The following ADAM23 variants were observed in gnomAD, a reference collection of about 807,000 sequenced individuals.
The protein encoded by ADAM23 is disintegrin and metalloproteinase domain-containing protein 23.
Under a neutral mutation model 120.1 loss-of-function variants are expected in ADAM23, and 33 were observed. That is an observed-to-expected ratio of 0.27 (90% CI 0.21 to 0.37). ADAM23 has a LOEUF of 0.37. Among genes scored for constraint, ADAM23 ranks in the 10% least tolerant of loss-of-function variants. ADAM23 has a pLI of 1.00. For synonymous variants in ADAM23, 367 were observed against 375.2 expected, an observed-to-expected ratio of 0.98 and a Z score of 0.25; for missense variants, 862 against 1,058.2, an observed-to-expected ratio of 0.81 and a Z score of 2.57.
At chr2:206,515,835 T>C (rs1453479040) in intron 3 of ADAM23, among the ~76,000 whole-genome samples, 2 of 152,044 alleles carry the variant, frequency 1.3e-5, no homozygotes, top group African/African-American at 4.8e-5. Context: ...TAGAGTTTTT[T>C]TTCCTGTTCT....
Position 206,617,792 on chromosome 2 carries a change from C to T in ADAM23, c.*165C>T. 2 of 1,389,118 alleles carry T rather than the reference C, an allele frequency of 1.4e-6. No individual in the cohort carries two copies. Among genetic ancestry groups the T allele is most frequent in the Admixed American group, 2.6e-5 (1 of 38,104 alleles). 86.0% of individuals were successfully genotyped at this position (1,389,118 alleles called of 1,614,324 possible). A position where few individuals can be genotyped will look rare whatever the true frequency, so the allele number is the denominator to read the frequency against. On this transcript the variant is annotated 3_prime_UTR_variant, in exon 26 of 26. Coordinates refer to ENST00000264377, the MANE Select transcript of ADAM23 (RefSeq NM_003812.4). The stretch of plus-strand genomic sequence containing the variant: ...AGGATGGGGTAAAAGAAAACTGTCT[C>T]TTTTGGAAATAATGTCAAAGAACAC...
chr2:206,538,288 T>A (rs1017166020), intron 4 of ADAM23, among the ~76,000 whole-genome samples: 1 of 152,200 alleles, frequency 6.6e-6, no homozygotes, highest in Non-Finnish European at 1.5e-5. Flanking sequence ...TTCCTTATTC[T>A]GCAGTACTCA....
In ADAM23 at chr2:206,462,581, G is replaced by C. The variant is rs114330890; in HGVS notation, c.432+17057G>C. Among the ~76,000 whole-genome samples, 340 of 152,246 alleles carry C rather than the reference G, an allele frequency of 2.2e-3. 4 individuals are homozygous for C. Among genetic ancestry groups the C allele is most frequent in the African/African-American group, 7.8e-3 (325 of 41,546 alleles). On this transcript the variant is annotated intron_variant, in intron 2 of 25. Coordinates refer to ENST00000264377, the MANE Select transcript of ADAM23 (RefSeq NM_003812.4). ...CTTGGAGCAGCGGGACTTAGGGTTA[G>C]AATTCTGTGTTCAGTTGTTGTCTTC...
At chr2:206,559,526 T>C (rs1291346224) in intron 10 of ADAM23, among the ~76,000 whole-genome samples, 2 of 152,196 alleles carry the variant, frequency 1.3e-5, no homozygotes, top group Non-Finnish European at 2.9e-5. Flanking sequence ...GTTTGGTGCT[T>C]ATCTGGAGAT....
intron 21 of ADAM23, 58 bp downstream of exon 21, chr2:206,589,572 T>C: frequency 7.1e-7 from 1 of 1,401,394 alleles, no homozygotes; most frequent in African/African-American, 1.4e-5. Context: ...CTTATGCAAG[T>C]GCAAAATGAG....
At chr2:206,514,787 G>T (rs895708052) in intron 3 of ADAM23, among the ~76,000 whole-genome samples, 1 of 152,148 alleles carries the variant, frequency 6.6e-6, no homozygotes, top group Non-Finnish European at 1.5e-5. Flanking sequence ...AGCAACCACT[G>T]ATCACTCAGT....
intron 18 of ADAM23, among the ~76,000 whole-genome samples, chr2:206,574,010 A>G (rs948041092): frequency 5.3e-5 from 8 of 152,024 alleles, no homozygotes; most frequent in African/African-American, 1.7e-4. Context: ...GGTTTTTGCC[A>G]TTGCTTTTGA....
At chr2:206,447,070 G>T (rs1456624768) in intron 2 of ADAM23, among the ~76,000 whole-genome samples, 1 of 152,194 alleles carries the variant, frequency 6.6e-6, no homozygotes, top group Non-Finnish European at 1.5e-5. Flanking sequence ...CCTCAGCAGA[G>T]ACTTGAAATT....
At chr2:206,501,515 G>A (rs913129337) in intron 3 of ADAM23, among the ~76,000 whole-genome samples, 7 of 151,964 alleles carry the variant, frequency 4.6e-5, no homozygotes, top group Admixed American at 1.3e-4. Context: ...AGTTCTGTTC[G>A]TATGTGTTTA....
At position 206,620,574 on chromosome 2, in the gene ADAM23, T is replaced by G. The variant is rs947156657; in HGVS notation, c.*2947T>G. On this transcript the variant is annotated 3_prime_UTR_variant, in exon 26 of 26. Coordinates refer to ENST00000264377, the MANE Select transcript of ADAM23 (RefSeq NM_003812.4). ...GCTCACAGCACAAGTGTATCACTGT[T>G]TAATGTTACCCAACAAGAGTTAGTG... 2.0e-5 allele frequency: 3 copies of G among 152,184 alleles called. No homozygotes were observed. The highest frequency in any genetic ancestry group is 2.0e-4 in the Admixed American group (3 of 15,262). 9.4% of individuals were successfully genotyped at this position (152,184 alleles called of 1,614,324 possible).
chr2:206,522,885 C>T (rs1574511628), intron 3 of ADAM23, among the ~76,000 whole-genome samples: 1 of 151,588 alleles, frequency 6.6e-6, no homozygotes, highest in African/African-American at 2.4e-5. Flanking sequence ...AAAGGAATCT[C>T]AAAATTACTG....
rs762457945 is a variant in ADAM23 at position 206,548,287 on chromosome 2, A to G, written c.800A>G (p.Glu267Gly). The G allele has an allele frequency of 3.1e-6, 5 of 1,612,562 alleles. No homozygotes were observed. The highest frequency in any genetic ancestry group is 3.4e-6 in the Non-Finnish European group (4 of 1,179,882). Residue 267 changes from glutamate (E) to glycine (G), a missense_variant, in exon 8 of 26, where the codon GAA becomes GGA. Glu to Gly is a moderately conservative substitution (Grantham distance 98). Around this residue, in one of 4 missense-constraint regions of ADAM23, gnomAD observed 617 missense variants for 813.5 expected, o/e 0.76. Transcript: ENST00000264377. ...TAATTTTTCCTTTCTGCAGCTATGG[A>G]AAGAGGTGACCAGTGGCCCTTTCTC... ...YSKQMKNLTMERGDQWPFLSE... is the reference protein window; with the variant it reads ...YSKQMKNLTMGRGDQWPFLSE...
chr2:206,461,871 T>C (rs113325744), intron 2 of ADAM23, among the ~76,000 whole-genome samples: 1 of 152,316 alleles, frequency 6.6e-6, no homozygotes, highest in African/African-American at 2.4e-5. Context: ...GTAGGAATTA[T>C]GAAGTGAGGA....
intron 24 of ADAM23, among the ~76,000 whole-genome samples, chr2:206,609,080 T>C (rs1183323963): frequency 1.3e-5 from 2 of 152,198 alleles, no homozygotes; most frequent in African/African-American, 4.8e-5. Flanking sequence ...GGACAGGAGT[T>C]ACTAGGATAT....
At position 206,570,768 on chromosome 2, in the gene ADAM23, G is replaced by C. The variant is rs1380534484; in HGVS notation, c.1523G>C (p.Gly508Ala). 1 of 1,613,974 alleles carries C rather than the reference G, an allele frequency of 6.2e-7. No individual in the cohort carries two copies. Among genetic ancestry groups the C allele is most frequent in the Non-Finnish European group, 8.5e-7 (1 of 1,179,864 alleles). The change falls in exon 16 of 26, where the codon GGA becomes GCA. Residue 508 changes from glycine (G) to alanine (A), a missense_variant. By Grantham distance (60) the Gly-to-Ala change is moderately conservative (BLOSUM62 0). This residue lies in a region of ADAM23 where 617 missense variants were observed against 813.5 expected (regional missense o/e 0.76). Transcript: ENST00000264377. ...TTTGAGCCCACGGAATGTGGAAATG[G>C]ATACGTGGAAGCTGGGGAGGAGTGT... ...KLFEPTECGN[G>A]YVEAGEECDC...
chr2:206,531,632 C>G (rs1406747189), intron 4 of ADAM23, among the ~76,000 whole-genome samples: 1 of 152,184 alleles, frequency 6.6e-6, no homozygotes, highest in Non-Finnish European at 1.5e-5. Flanking sequence ...TGACCTCCGT[C>G]AGTCAGGGTG....
At chr2:206,536,774 T>C (rs1559253235) in intron 4 of ADAM23, among the ~76,000 whole-genome samples, 1 of 152,128 alleles carries the variant, frequency 6.6e-6, no homozygotes, top group Admixed American at 6.5e-5. Flanking sequence ...GGTGCAATCT[T>C]AGCTCACTGC....
At chr2:206,563,381 C>T (rs1302466640) in intron 13 of ADAM23, among the ~76,000 whole-genome samples, 1 of 152,274 alleles carries the variant, frequency 6.6e-6, no homozygotes, top group South Asian at 2.1e-4. Flanking sequence ...TTTACACAGG[C>T]TTCTCAATTC....
At chr2:206,462,513 A>C (rs73052202) in intron 2 of ADAM23, among the ~76,000 whole-genome samples, 6,700 of 151,988 alleles carry the variant, frequency 0.044, 502 homozygotes, top group African/African-American at 0.15. Flanking sequence ...TTTCTTCCTT[A>C]CTTATTTTGA....
Sources: gnomAD v4.1 joint callset for allele counts (sites outside exome capture counted in the v4.1 genomes callset) on GRCh38, gnomAD v4.1.1 for gene constraint, gnomAD v4.1.1 regional missense constraint, MANE v1.5 for transcripts, NCBI Gene and HGNC (gene_info 2026-07-23, HGNC 2026-07-21) for gene names.